PARD3: variants seen among roughly 807,000 people sequenced by gnomAD.
PARD3 encodes the protein par-3 family cell polarity regulator.
In PARD3, 75 loss-of-function variants were observed where a neutral mutation model predicts 155.4. The observed-to-expected ratio is 0.48, with a 90% CI of 0.40 to 0.58. PARD3 has a LOEUF of 0.58. Ranked by LOEUF, PARD3 falls within the 20% of genes least tolerant of loss-of-function variation. PARD3 has a pLI of 0.00. For synonymous variants in PARD3, 576 were observed against 610.5 expected, an observed-to-expected ratio of 0.94 and a Z score of 0.83; for missense variants, 1,642 against 1,721.7, an observed-to-expected ratio of 0.95 and a Z score of 0.82.
At chr10:34,220,284 C>T (rs12266205) in intron 22 of PARD3, among the ~76,000 whole-genome samples, 2,466 of 152,132 alleles carry the variant, frequency 0.016, 71 homozygotes, top group African/African-American at 0.055. Flanking sequence ...AGTGACATCC[C>T]GCGTTTTTAA....
intron 7 of PARD3, among the ~76,000 whole-genome samples, chr10:34,387,193 T>G (rs937771497): frequency 3.3e-5 from 5 of 152,218 alleles, no homozygotes; most frequent in African/African-American, 1.2e-4. Flanking sequence ...TTACTGCAAA[T>G]GTAAGTGACT....
chr10:34,787,466 G>A (rs754745623), intron 1 of PARD3, among the ~76,000 whole-genome samples: 33 of 152,180 alleles, frequency 2.2e-4, no homozygotes, highest in Non-Finnish European at 3.8e-4. Context: ...ACCCACGTCC[G>A]TAAGAAGGTG....
chr10:34,111,210 T>A lies in PARD3; in HGVS notation c.4021A>T (p.Arg1341Ter), dbSNP rs1208242124. The change falls in exon 25 of 25, where the codon AGA becomes TGA. Residue 1341 changes from arginine to a stop codon, truncating the protein, a stop_gained. Coordinates refer to ENST00000374788, the MANE Select transcript of PARD3 (RefSeq NM_001184785.2). LOFTEE classifies it high-confidence loss of function. ...CTCCCTTTCTCAGGAGTCTGAAGTC[T>A]GTTCAGCCTCGCAACCTGAGAAGGG... ...PSPSQVARLN[R>*]LQTPEKGRPF... is the part of the protein sequence containing the mutation. 6.3e-7 allele frequency: 1 copy of A among 1,594,746 alleles called. No homozygotes were observed. Among genetic ancestry groups the A allele is most frequent in the African/African-American group, 1.3e-5 (1 of 74,224 alleles).
At chr10:34,427,488 T>C (rs531262089) in intron 5 of PARD3, among the ~76,000 whole-genome samples, 1 of 152,312 alleles carries the variant, frequency 6.6e-6, no homozygotes, top group South Asian at 2.1e-4. Flanking sequence ...TCTTGAACCC[T>C]GTTAAGATGT....
chr10:34,551,406 C>T (rs2084545582), intron 2 of PARD3, among the ~76,000 whole-genome samples: 1 of 152,192 alleles, frequency 6.6e-6, no homozygotes, highest in Non-Finnish European at 1.5e-5. Flanking sequence ...TCTTTACCCA[C>T]TGAGTCCATC....
At chr10:34,668,667 T>C (rs2093549369) in intron 2 of PARD3, among the ~76,000 whole-genome samples, 2 of 152,310 alleles carry the variant, frequency 1.3e-5, no homozygotes, top group African/African-American at 2.4e-5. Context: ...TAATTTTCAT[T>C]GATAAGCAAA....
intron 1 of PARD3, among the ~76,000 whole-genome samples, chr10:34,737,164 C>T (rs72783655): frequency 5.8e-4 from 89 of 152,310 alleles, no homozygotes; most frequent in Non-Finnish European, 1.1e-3. Context: ...CAGTATTGAC[C>T]TGGTCCCAAG....
intron 3 of PARD3, among the ~76,000 whole-genome samples, chr10:34,495,818 A>C (rs534510662): frequency 4.8e-5 from 7 of 146,430 alleles, no homozygotes; most frequent in African/African-American, 1.9e-4. Flanking sequence ...TGAGTTCTTA[A>C]TGATATCTTT....
chr10:34,160,297 T>G (rs140383645), intron 22 of PARD3, among the ~76,000 whole-genome samples: 62 of 152,310 alleles, frequency 4.1e-4, no homozygotes, highest in Admixed American at 2.0e-3. Context: ...GTTATTTGGA[T>G]GATTCACTGT....
At chr10:34,494,234 G>A (rs919755381) in intron 3 of PARD3, among the ~76,000 whole-genome samples, 11 of 152,186 alleles carry the variant, frequency 7.2e-5, no homozygotes, top group Non-Finnish European at 1.3e-4. Flanking sequence ...GGCTAGACAG[G>A]AGAGCACCAA....
chr10:34,516,100 G>T (rs2081734092), intron 3 of PARD3, among the ~76,000 whole-genome samples: 1 of 151,990 alleles, frequency 6.6e-6, no homozygotes, highest in Non-Finnish European at 1.5e-5. Flanking sequence ...AAGTAGCTGG[G>T]ATTACAGGCA....
rs1288946139 is a variant in PARD3 at position 34,284,163 on chromosome 10, T to C, written c.3148A>G (p.Arg1050Gly). Residue 1050 changes from arginine to glycine, a missense_variant, in exon 21 of 25, where the codon AGG (arginine) becomes GGG (glycine). This residue lies in a region of PARD3 where 1,529 missense variants were observed against 1,587.3 expected (regional missense o/e 0.96). Transcript: ENST00000374788. Reference sequence around the variant, plus strand: ...TCCTGCTCCTGCTTCATTCGTATCCTCTCCTCTTCTGATGTAAAGGATTCC... The same window carrying C: ...TCCTGCTCCTGCTTCATTCGTATCCCCTCCTCTTCTGATGTAAAGGATTCC... The part of the protein sequence containing the change: ...IQESFTSEEE[R>G]IRMKQEQERI... 1.2e-6 allele frequency: 2 copies of C among 1,603,990 alleles called. No homozygotes were observed. The highest frequency in any genetic ancestry group is 1.7e-6 in the Non-Finnish European group (2 of 1,173,970).
chr10:34,363,201 A>G (rs1292398663), intron 12 of PARD3, among the ~76,000 whole-genome samples: 1 of 152,172 alleles, frequency 6.6e-6, no homozygotes, highest in Non-Finnish European at 1.5e-5. Context: ...TATTTTTCCT[A>G]CTTGAAAGAT....
chr10:34,724,854 G>A (rs76651553), intron 1 of PARD3, among the ~76,000 whole-genome samples: 1,839 of 152,270 alleles, frequency 0.012, 23 homozygotes, highest in South Asian at 0.05. Context: ...ACGTAACTGC[G>A]GAGCAAATGC....
chr10:34,735,528 G>A (rs1186896685), intron 1 of PARD3, among the ~76,000 whole-genome samples: 2 of 152,270 alleles, frequency 1.3e-5, no homozygotes, highest in East Asian at 1.9e-4. Context: ...CAACACAACA[G>A]ATCTGCTGCC....
chr10:34,119,613 C>G lies in PARD3; in HGVS notation c.3668G>C (p.Arg1223Pro). 5 of 1,598,534 alleles carry G rather than the reference C, an allele frequency of 3.1e-6. No individual in the cohort carries two copies. The highest frequency in any genetic ancestry group is 3.4e-6 in the Non-Finnish European group (4 of 1,169,870). Reference protein sequence around the residue: ...QAQRQYSSLPRQSRKNASSVS... With the variant: ...QAQRQYSSLPPQSRKNASSVS... ...GAGGCTCGGCCAAGCGTCCTCATAC[C>G]GAGGCAGAGAGCTGTACTGGCGCTG... The change falls in exon 24 of 25, where the codon CGG (arginine) becomes CCG (proline). Residue 1223 changes from arginine to proline, a missense_variant and splice_region_variant. Coordinates refer to ENST00000374788, the MANE Select transcript of PARD3 (RefSeq NM_001184785.2).
At position 34,562,075 on chromosome 10, in the gene PARD3, G is replaced by A. The variant is rs1382626822; in HGVS notation, c.223-44916C>T. On this transcript the variant is annotated intron_variant, in intron 2 of 24. Transcript: ENST00000374788. ...TTGAACCTGGGAGGGGGGGTGAACCGAGATCACGCCACTACACTCCAGCCT... is the reference window on the plus strand; with the variant it reads ...TTGAACCTGGGAGGGGGGGTGAACCAAGATCACGCCACTACACTCCAGCCT... Among the ~76,000 whole-genome samples the A allele has an allele frequency of 3.1e-5, 4 of 129,220 alleles. No homozygotes were observed. In the South Asian group the frequency reaches 7.9e-4, roughly 26 times the overall value. The allele number at this position is 129,220 out of a possible 152,430, so 84.8% of individuals were successfully genotyped here. A position where few individuals can be genotyped will look rare whatever the true frequency, so the allele number is the denominator to read the frequency against.
chr10:34,367,404 T>C (rs1007792861), intron 12 of PARD3, among the ~76,000 whole-genome samples: 1 of 152,210 alleles, frequency 6.6e-6, no homozygotes, highest in African/African-American at 2.4e-5. Context: ...CACAGTTATA[T>C]AAGAAAATGT....
intron 15 of PARD3, chr10:34,343,843 T>C: frequency 1.0e-6 from 1 of 982,158 alleles, no homozygotes; most frequent in Non-Finnish European, 1.2e-6. Context: ...GTCAGTATCT[T>C]GTAGAGGAGT....
Sources: gnomAD v4.1 joint callset for allele counts (sites outside exome capture counted in the v4.1 genomes callset) on GRCh38, gnomAD v4.1.1 for gene constraint, gnomAD v4.1.1 regional missense constraint, MANE v1.5 for transcripts, NCBI Gene and HGNC (gene_info 2026-07-23, HGNC 2026-07-21) for gene names.